SULT1A1: variants seen among roughly 807,000 people sequenced by gnomAD.
The protein encoded by SULT1A1 is sulfotransferase 1A1.
Under a neutral mutation model 36.8 loss-of-function variants are expected in SULT1A1, and 35 were observed. That is an observed-to-expected ratio of 0.95 (90% CI 0.73 to 1.26). SULT1A1 has a LOEUF of 1.26. Ranked by LOEUF, SULT1A1 falls within the 50% of genes most tolerant of loss-of-function variation. SULT1A1 has a pLI of 0.00. For synonymous variants in SULT1A1, 119 were observed against 146.0 expected, an observed-to-expected ratio of 0.82 and a Z score of 1.33; for missense variants, 309 against 383.0, an observed-to-expected ratio of 0.81 and a Z score of 1.61.
At chr16:28,606,609 TTA>T in intron 6 of SULT1A1, 150 bp downstream of exon 6, 1 of 1,275,244 alleles carries the variant, frequency 7.8e-7, no homozygotes, top group Non-Finnish European at 1.1e-6. Context: ...AGGTGGGGCC[TTA>T]GTGGGGAGGC....
intron 1 of SULT1A1, chr16:28,623,102 C>T: frequency 4.2e-6 from 6 of 1,439,484 alleles, no homozygotes; most frequent in Non-Finnish European, 4.7e-6. Flanking sequence ...ACTGGTCCCA[C>T]CCCCCAGGTT....
chr16:28,621,125 GAAAAGA>G (rs2047644413), intron 1 of SULT1A1, among the ~76,000 whole-genome samples: 1 of 149,406 alleles, frequency 6.7e-6, no homozygotes, highest in African/African-American at 2.5e-5. Context: ...AAAAAAAAAA[GAAAAGA>G]AAAAGAGAAC....
intron 1 of SULT1A1, among the ~76,000 whole-genome samples, chr16:28,621,482 CAAAAAAAAAAAAAAA>C (rs59910514): frequency 3.4e-5 from 2 of 59,544 alleles, no homozygotes; most frequent in African/African-American, 1.8e-4. Flanking sequence ...GACTCTGTCT[CAAAAAAAAAAAAAAA>C]AAAAAAAAAA....
rs114793911 is a variant in SULT1A1 at position 28,605,780 on chromosome 16, T to A, written c.*41A>T. On this transcript the variant is annotated 3_prime_UTR_variant, in exon 8 of 8. Coordinates refer to ENST00000314752, the MANE Select transcript of SULT1A1 (RefSeq NM_001055.4). ...TATTCTTGAGCCGCTTGGTCAGGTTTGATTCGCACACTCCCTCTGCAGTGA... is the reference window on the plus strand; with the variant it reads ...TATTCTTGAGCCGCTTGGTCAGGTTAGATTCGCACACTCCCTCTGCAGTGA... 1,099 of 1,609,834 alleles carry A rather than the reference T, an allele frequency of 6.8e-4. 24 individuals are homozygous for A. The African/African-American group carries it at 6.8e-3, about 10-fold the overall frequency.
chr16:28,608,672 C>A, intron 2 of SULT1A1, 36 bp downstream of exon 2: 1 of 1,611,418 alleles, frequency 6.2e-7, no homozygotes, highest in Non-Finnish European at 8.5e-7. Context: ...GTGGGGACTG[C>A]CACCTGGGAG....
At chr16:28,609,386 C>T (rs1427064381) in intron 1 of SULT1A1, 3 of 1,289,716 alleles carry the variant, frequency 2.3e-6, no homozygotes, top group Non-Finnish European at 3.0e-6. Context: ...ATCTGGGCTC[C>T]AGGACAAACA....
chr16:28,609,053 C>A, intron 1 of SULT1A1, 194 bp from the exon 2 acceptor site: 19 of 1,473,894 alleles, frequency 1.3e-5, no homozygotes, highest in Non-Finnish European at 1.7e-5. Context: ...CCCAGCCTGG[C>A]CTCACCTTTC....
intron 2 of SULT1A1, among the ~76,000 whole-genome samples, chr16:28,619,901 A>G (rs935690257): frequency 5.9e-5 from 9 of 151,836 alleles, no homozygotes; most frequent in Non-Finnish European, 1.2e-4. Context: ...CAGAAAGTAT[A>G]TATTTTTGTG....
At position 28,608,607 on chromosome 16, in the gene SULT1A1, G is replaced by A. The variant is rs753533055; in HGVS notation, c.149-4C>T. 184 of 1,611,728 alleles carry A rather than the reference G, an allele frequency of 1.1e-4. 4 individuals are homozygous for A. Among genetic ancestry groups the A allele is most frequent in the Non-Finnish European group, 1.5e-4 (182 of 1,178,186 alleles). On this transcript the variant is annotated splice_polypyrimidine_tract_variant and splice_region_variant and intron_variant, in intron 2 of 7. Transcript: ENST00000314752. The stretch of plus-strand genomic sequence containing the variant: ...ATCTGGCTTACCCAGGTAGTGCCTG[G>A]AGAGGGAGGGAGATGGGAGGTGAGC...
intron 1 of SULT1A1, chr16:28,609,301 G>A (rs2047356321): frequency 7.9e-6 from 10 of 1,266,632 alleles, no homozygotes; most frequent in Non-Finnish European, 1.0e-5. Context: ...TCCCCTCCTT[G>A]AGCCCCTCAG....
chr16:28,617,946 ACT>A (rs941639906), intron 2 of SULT1A1, among the ~76,000 whole-genome samples: 1 of 151,950 alleles, frequency 6.6e-6, no homozygotes, highest in Admixed American at 6.6e-5. Context: ...CATTGTAACC[ACT>A]GTTTTTTAAA....
exon 2 of SULT1A1, chr16:28,620,131 T>C (rs546816346): frequency 7.4e-6 from 12 of 1,612,470 alleles, no homozygotes; most frequent in Middle Eastern, 1.8e-4. Context: ...AGAATGCTCA[T>C]ACCTATTTGC....
intron 4 of SULT1A1, 51 bp from the exon 5 acceptor site, chr16:28,607,128 C>G: frequency 1.2e-6 from 2 of 1,603,178 alleles, no homozygotes; most frequent in African/African-American, 1.3e-5. Flanking sequence ...CAGCCTGTCC[C>G]AGGCCAGCTC....
chr16:28,610,264 G>GTTTTATTTTTT (rs2047398667), upstream of SULT1A1: 1 of 314,074 alleles, frequency 3.2e-6, no homozygotes, highest in Non-Finnish European at 4.8e-6. Context: ...TTTTTTTTCT[G>GTTTTATTTTTT]TTTTTTTTTT....
At chr16:28,606,312 C>T in intron 6 of SULT1A1, 76 bp from the exon 7 acceptor site, 1 of 1,603,940 alleles carries the variant, frequency 6.2e-7, no homozygotes, top group Non-Finnish European at 8.5e-7. Flanking sequence ...CCTTCTCTAA[C>T]CTCAGAGGCG....
chr16:28,610,512 T>C (rs1298118986), upstream of SULT1A1: 8 of 314,184 alleles, frequency 2.5e-5, no homozygotes, highest in Non-Finnish European at 3.7e-5. Flanking sequence ...CAGCAGCCCA[T>C]GCACTCCAGG....
intron 1 of SULT1A1, among the ~76,000 whole-genome samples, chr16:28,621,665 C>T (rs368466772): frequency 6.6e-6 from 1 of 151,916 alleles, no homozygotes; most frequent in Non-Finnish European, 1.5e-5. Flanking sequence ...AATCACACGC[C>T]GGGACCAGGC....
At chr16:28,618,584 T>A (rs1321501352) in intron 2 of SULT1A1, among the ~76,000 whole-genome samples, 1 of 151,986 alleles carries the variant, frequency 6.6e-6, no homozygotes, top group Non-Finnish European at 1.5e-5. Context: ...GACCTTGTGA[T>A]CCACCCGCCT....
rs1451165246 is a variant in SULT1A1, at chr16:28,608,274, A to T, written c.372+17T>A. 1.2e-5 allele frequency: 20 copies of T among 1,611,648 alleles called. No homozygotes were observed. The highest frequency in any genetic ancestry group is 1.7e-5 in the Non-Finnish European group (20 of 1,178,176). On this transcript the variant is annotated intron_variant, in intron 4 of 7. Coordinates refer to ENST00000314752, the MANE Select transcript of SULT1A1 (RefSeq NM_001055.4). Reference sequence around the variant, plus strand: ...AGTGCTGGGATTATGGATGTGAAACACTGTGCCCTGCCTCACCTTGACCTT... The same window carrying T: ...AGTGCTGGGATTATGGATGTGAAACTCTGTGCCCTGCCTCACCTTGACCTT...
Sources: allele counts gnomAD v4.1 joint callset (sites outside exome capture counted in the v4.1 genomes callset), GRCh38; gene constraint gnomAD v4.1.1; transcripts MANE v1.5; gene names NCBI Gene and HGNC (gene_info 2026-07-23, HGNC 2026-07-21).